The following LCT variants were observed in gnomAD, a reference collection of about 807,000 sequenced individuals.
LCT encodes lactase, also known as lactase/phlorizin hydrolase.
LCT carries 90 observed loss-of-function variants against 173.0 expected under a neutral mutation model. The observed-to-expected ratio is 0.52, with a 90% confidence interval of 0.44 to 0.62. LCT has a LOEUF of 0.62. LCT is among the 20% of genes least tolerant of loss of function. The pLI is 0.00. For missense variants in LCT, 1,864 were observed against 2,431.4 expected, an observed-to-expected ratio of 0.77 and a Z score of 4.91; for synonymous variants, 853 against 957.6, an observed-to-expected ratio of 0.89 and a Z score of 2.02.
At chr2:135,830,122 A>C (rs2077923041) in intron 2 of LCT, among the ~76,000 whole-genome samples, 1 of 152,062 alleles carries the variant, frequency 6.6e-6, no homozygotes, top group Non-Finnish European at 1.5e-5. Flanking sequence ...TGTGAATCCT[A>C]CCGGGTGTTT....
intron 4 of LCT, 87 bp downstream of exon 4, chr2:135,823,814 A>T: frequency 1.1e-6 from 1 of 909,872 alleles, no homozygotes; most frequent in Non-Finnish European, 1.8e-6. Flanking sequence ...TCCTCCTCCC[A>T]TTGGAACCCC....
intron 12 of LCT, among the ~76,000 whole-genome samples, chr2:135,799,491 T>C (rs1283159171): frequency 6.6e-6 from 1 of 152,076 alleles, no homozygotes; most frequent in Non-Finnish European, 1.5e-5. Context: ...TTTTTTTTTT[T>C]TTTGGAGATG....
chr2:135,807,614 C>G (rs1575337858), intron 8 of LCT, among the ~76,000 whole-genome samples: 1 of 152,154 alleles, frequency 6.6e-6, no homozygotes, highest in Non-Finnish European at 1.5e-5. Flanking sequence ...TCAAATTCTT[C>G]TCTTGGGGTA....
chr2:135,808,715 G>A lies in LCT; in HGVS notation c.3632C>T (p.Ser1211Phe). 6.2e-7 allele frequency: 1 copy of A among 1,614,208 alleles called. No homozygotes were observed. The highest frequency in any genetic ancestry group is 1.1e-5 in the South Asian group (1 of 91,090). Residue 1211 changes from serine to phenylalanine, a missense_variant, in exon 8 of 17, where the codon TCC (serine) becomes TTC (phenylalanine). Around this residue, in one of 4 missense-constraint regions of LCT, gnomAD observed 755 missense variants for 926.3 expected, o/e 0.82. Transcript: ENST00000264162. ...ADVFCLNTYYSRIVQHKTPRL... is the reference protein window; with the variant it reads ...ADVFCLNTYYFRIVQHKTPRL... ...GGGTGTTTTGTGCTGCACGATTCTG[G>A]AGTAGTACGTGTTGAGGCAGAAGAC...
chr2:135,820,064 T>C (rs1383382889), intron 5 of LCT: 3 of 152,236 alleles, frequency 2.0e-5, no homozygotes, highest in Admixed American at 6.5e-5. Flanking sequence ...CACATTCTCA[T>C]GTGAGAGTTG....
At position 135,804,856 on chromosome 2, in the gene LCT, C is replaced by G. The variant is rs376021581; in HGVS notation, c.4375G>C (p.Asp1459His). The G allele has an allele frequency of 6.8e-6, 11 of 1,614,040 alleles. No homozygotes were observed. The highest frequency in any genetic ancestry group is 9.3e-6 in the Non-Finnish European group (11 of 1,180,042). ...FSISWSRILP[D>H]GTTRYINEAG... is the part of the protein sequence containing the mutation. The stretch of plus-strand genomic sequence containing the variant: ...TCATTGATGTACCTGGTGGTTCCAT[C>G]AGGGAGGATGCGAGACCAGGAGATG... Residue 1459 changes from aspartate to histidine, a missense_variant, in exon 10 of 17, where the codon GAT becomes CAT. Asp to His is a moderately conservative substitution (Grantham distance 81). Coordinates refer to ENST00000264162, the MANE Select transcript of LCT (RefSeq NM_002299.4).
At chr2:135,789,831 C>T (rs754263341) in intron 15 of LCT, 33 bp from the exon 16 acceptor site, 1 of 1,575,910 alleles carries the variant, frequency 6.3e-7, no homozygotes, top group Non-Finnish European at 8.7e-7. Flanking sequence ...GCATAAGTTT[C>T]CTATCTCATA....
intron 11 of LCT, 67 bp from the exon 12 acceptor site, chr2:135,800,876 C>T: frequency 7.8e-7 from 1 of 1,277,202 alleles, no homozygotes. Flanking sequence ...TTGTTAGTCC[C>T]TGCCTGCAGA....
chr2:135,834,900 G>A (rs2105560121), intron 1 of LCT, among the ~76,000 whole-genome samples: 1 of 149,968 alleles, frequency 6.7e-6, no homozygotes, highest in Non-Finnish European at 1.5e-5. Context: ...TGTCAAATTA[G>A]TAATAAAATA....
chr2:135,829,856 T>TGTGTGTGTGTG, intron 2 of LCT, among the ~76,000 whole-genome samples, 180 bp from the exon 3 acceptor site: 1 of 149,294 alleles, frequency 6.7e-6, no homozygotes, highest in South Asian at 2.1e-4. Context: ...TGTGTGTGTG[T>TGTGTGTGTGTG]AGGGGGCGGG....
rs768558534 is a variant in LCT, at chr2:135,809,794, C to G, written c.2553G>C (p.Gly851=). 2 of 1,614,094 alleles carry G rather than the reference C, an allele frequency of 1.2e-6. No homozygotes were observed. The highest frequency in any genetic ancestry group is 1.7e-6 in the Non-Finnish European group (2 of 1,180,026). ...IIEKNGFLTK[G]AKRLLPPNTV... is the part of the protein sequence containing the mutation. ...TATTAGGTGGTAGCAGTCTTTTTGC[C>G]CCCTTGGTGAGGAAACCGTTCTTTT... is the stretch of plus-strand genomic sequence containing the variant. Residue 851 remains glycine, a synonymous_variant, in exon 8 of 17, where the codon GGG becomes GGC. Transcript: ENST00000264162. The surrounding 1 kb of genome is among the most constrained non-coding windows in gnomAD (Gnocchi z 5.5).
At chr2:135,833,869 A>G (rs1029241019) in intron 1 of LCT, among the ~76,000 whole-genome samples, 1 of 151,688 alleles carries the variant, frequency 6.6e-6, no homozygotes, top group African/African-American at 2.4e-5. Flanking sequence ...AGAGCTCTCC[A>G]TTTCTCCCCT....
chr2:135,809,113 T>C lies in LCT; in HGVS notation c.3234A>G (p.Glu1078=). 1 of 1,614,124 alleles carries C rather than the reference T, an allele frequency of 6.2e-7. No individual in the cohort carries two copies. Among genetic ancestry groups the C allele is most frequent in the South Asian group, 1.1e-5 (1 of 91,082 alleles). The part of the protein sequence containing the change: ...YLAWLGYGSG[E]FPPGVKDPGW... Reference sequence around the variant, plus strand: ...CTGGGTCCTTCACCCCTGGGGGAAATTCCCCTGAGCCATAACCTAGCCATG... The same window carrying C: ...CTGGGTCCTTCACCCCTGGGGGAAACTCCCCTGAGCCATAACCTAGCCATG... Residue 1078 remains glutamate, a synonymous_variant, in exon 8 of 17, where the codon GAA becomes GAG. Coordinates refer to ENST00000264162, the MANE Select transcript of LCT (RefSeq NM_002299.4). This position sits in a 1 kb window ranked among gnomAD's most constrained non-coding sequence, Gnocchi z 5.5.
At chr2:135,823,281 A>T (rs2077852534) in intron 4 of LCT, among the ~76,000 whole-genome samples, 1 of 152,234 alleles carries the variant, frequency 6.6e-6, no homozygotes, top group Non-Finnish European at 1.5e-5. Flanking sequence ...GTCTCCAGTG[A>T]CTGCCAGCCT....
intron 14 of LCT, chr2:135,794,301 A>ATT: frequency 4.3e-6 from 1 of 233,372 alleles, no homozygotes; most frequent in African/African-American, 2.2e-5. Flanking sequence ...AACCTAAACA[A>ATT]TTTTTTTCTT....
rs1679409714 is a variant in LCT, at chr2:135,836,822, G to A, written c.348C>T (p.Leu116=). ...GCCGTGCAGTCTTGAGGGCCTTGAG[G>A]AGTCGCCGGTAGCACTGCACTGTTT... ...DEKTVQCYRR[L]LKALKTARLQ... The change falls in exon 1 of 17, where the codon CTC becomes CTT. Residue 116 remains leucine, a synonymous_variant. Coordinates refer to ENST00000264162, the MANE Select transcript of LCT (RefSeq NM_002299.4). 6.2e-7 allele frequency: 1 copy of A among 1,614,080 alleles called. No homozygotes were observed. Among genetic ancestry groups the A allele is most frequent in the South Asian group, 1.1e-5 (1 of 91,084 alleles).
chr2:135,804,136 G>A lies in LCT; in HGVS notation c.4465-8C>T, dbSNP rs374894476. 105 of 1,610,824 alleles carry A rather than the reference G, an allele frequency of 6.5e-5. No homozygotes were observed. The highest frequency in any genetic ancestry group is 8.1e-5 in the Non-Finnish European group (95 of 1,177,978). On this transcript the variant is annotated splice_polypyrimidine_tract_variant and splice_region_variant and intron_variant, in intron 10 of 16. Transcript: ENST00000264162. ...CCAGTGGTAAATGGTCACCTGGGAA[G>A]AAGCCAGATCAGCTGTTGCATCAGT...
At position 135,837,067 on chromosome 2, in the gene LCT, G is replaced by A; in HGVS notation, c.103C>T (p.Leu35=). The change falls in exon 1 of 17, where the codon CTA becomes TTA. Residue 35 remains leucine, a synonymous_variant. Transcript: ENST00000264162. ...DRNFISTAGP[L]TNDLLHNLSG... Reference sequence around the variant, plus strand: ...AGGTTGTGCAGCAAGTCATTGGTTAGAGGACCAGCGGTGGAAATGAAATTT... The same window carrying A: ...AGGTTGTGCAGCAAGTCATTGGTTAAAGGACCAGCGGTGGAAATGAAATTT... 1.9e-6 allele frequency: 3 copies of A among 1,614,128 alleles called. No individual in the cohort carries two copies. Among genetic ancestry groups the A allele is most frequent in the Non-Finnish European group, 2.5e-6 (3 of 1,180,016 alleles).
intron 11 of LCT, among the ~76,000 whole-genome samples, chr2:135,802,311 T>C (rs1490813644): frequency 6.6e-6 from 1 of 152,154 alleles, no homozygotes; most frequent in African/African-American, 2.4e-5. Context: ...CAAAAATAGG[T>C]CCACAATTTC....
Sources: gnomAD v4.1 joint callset for allele counts (sites outside exome capture counted in the v4.1 genomes callset) on GRCh38, gnomAD v4.1.1 for gene constraint, gnomAD v4.1.1 regional missense constraint, Gnocchi (gnomAD v3.1) non-coding constraint, MANE v1.5 for transcripts, NCBI Gene and HGNC (gene_info 2026-07-23, HGNC 2026-07-21) for gene names.